Variants in ULK3 observed in about 807,000 individuals in gnomAD.
ULK3 encodes serine/threonine-protein kinase ULK3.
A neutral mutation model predicts 69.4 loss-of-function variants in ULK3; 54 were observed. The ratio of observed to expected loss-of-function variants is 0.78; its 90% CI spans 0.63 to 0.98. The LOEUF (loss-of-function observed/expected upper bound fraction) is 0.98, where lower values mean the gene tolerates loss of function less well. ULK3 is among the 50% of genes least tolerant of loss of function. The pLI, the probability that ULK3 is intolerant of heterozygous loss-of-function variation, is 0.00. For synonymous variants in ULK3, 240 were observed against 254.5 expected, an observed-to-expected ratio of 0.94 and a Z score of 0.54; for missense variants, 558 against 627.7, an observed-to-expected ratio of 0.89 and a Z score of 1.19.
chr15:74,837,880 A>T, intron 13 of ULK3, 82 bp from the exon 14 acceptor site: 3 of 1,396,882 alleles, frequency 2.1e-6, no homozygotes, highest in Non-Finnish European at 3.0e-6. Context: ...CTCACCCCTG[A>T]TGCTCTCCAG....
Position 74,837,374 on chromosome 15 carries a change from C to T in ULK3, c.1397G>A (p.Arg466His), listed in dbSNP as rs375161483. 6.2e-6 allele frequency: 10 copies of T among 1,612,932 alleles called. No homozygotes were observed. The highest frequency in any genetic ancestry group is 3.3e-4 in the Middle Eastern group (2 of 6,080). ...GACCCCAGGGCAGGACTCACAGCTACGAACAGATTCCGACAGTCCCTCTTT... is the reference window on the plus strand; with the variant it reads ...GACCCCAGGGCAGGACTCACAGCTATGAACAGATTCCGACAGTCCCTCTTT... ...LDKEGLSESV[R>H]SSCTLQ Residue 466 changes from arginine to histidine, a missense_variant, in exon 15 of 16, where the codon CGT (arginine) becomes CAT (histidine). Transcript: ENST00000440863.
chr15:74,837,195 A>G lies in ULK3; in HGVS notation c.*33T>C. ...CTGGGTTAGTGCCCCTCTGCTCCAGATGGCTCACATCTGTCCAATCATTCT... is the reference window on the plus strand; with the variant it reads ...CTGGGTTAGTGCCCCTCTGCTCCAGGTGGCTCACATCTGTCCAATCATTCT... On this transcript the variant is annotated 3_prime_UTR_variant, in exon 16 of 16. Transcript: ENST00000440863. 6.5e-7 allele frequency: 1 copy of G among 1,531,546 alleles called. No homozygotes were observed. The highest frequency in any genetic ancestry group is 2.3e-5 in the East Asian group (1 of 44,172). The allele number at this position is 1,531,546 out of a possible 1,614,324, so 94.9% of individuals were successfully genotyped here.
At chr15:74,839,453 GC>G (rs2064160583) in intron 7 of ULK3, 80 bp from the exon 8 acceptor site, 27 of 1,541,122 alleles carry the variant, frequency 1.8e-5, no homozygotes, top group Non-Finnish European at 2.4e-5. Context: ...GCTCCCCTGA[GC>G]CCGCCCTCTG....
chr15:74,838,891 C>A, intron 9 of ULK3, 119 bp downstream of exon 9: 1 of 1,452,760 alleles, frequency 6.9e-7, no homozygotes, highest in Non-Finnish European at 9.4e-7. Context: ...TGACCCATTC[C>A]CAGCTCTGTG....
In ULK3 at chr15:74,842,217, C is replaced by T. The variant is rs761182676; in HGVS notation, c.244-22G>A. Reference sequence around the variant, plus strand: ...CCCACTGTGTTTAGAGGCAGAGAGGCGGCCTGAAGAGAGTGTCCCTTCTCC... The same window carrying T: ...CCCACTGTGTTTAGAGGCAGAGAGGTGGCCTGAAGAGAGTGTCCCTTCTCC... On this transcript the variant is annotated intron_variant, in intron 2 of 15. Transcript: ENST00000440863. This position sits in a 1 kb window ranked among gnomAD's most constrained non-coding sequence, Gnocchi z 4.9. 2.1e-5 allele frequency: 34 copies of T among 1,613,840 alleles called. No homozygotes were observed. Among genetic ancestry groups the T allele is most frequent in the South Asian group, 6.6e-5 (6 of 91,088 alleles).
rs1440689355 is a variant in ULK3, at chr15:74,841,483, G to A, written c.391C>T (p.Arg131Trp). ...LASALQFLHE[R>W]NISHLDLKPQ... ...TTCAGATCCAGGTGAGAGATATTCC[G>A]TTCATGCAGGAATTGCAGGGCGCTA... Residue 131 changes from arginine to tryptophan, a missense_variant, in exon 4 of 16, where the codon CGG becomes TGG. Physicochemically the swap from Arg to Trp is moderately radical, Grantham distance 101 (BLOSUM62 -3). Transcript: ENST00000440863. 4.3e-6 allele frequency: 7 copies of A among 1,613,870 alleles called. No homozygotes were observed. Among genetic ancestry groups the A allele is most frequent in the African/African-American group, 1.3e-5 (1 of 75,032 alleles).
chr15:74,840,844 TGGGCACC>T, intron 4 of ULK3: 1 of 660,976 alleles, frequency 1.5e-6, no homozygotes. Flanking sequence ...CCAGCTCCCT[TGGGCACC>T]TTTTCCTAGG....
In ULK3 at chr15:74,840,657, G is replaced by C; in HGVS notation, c.470-16C>G. 1 of 1,541,338 alleles carries C rather than the reference G, an allele frequency of 6.5e-7. No individual in the cohort carries two copies. The highest frequency in any genetic ancestry group is 8.7e-7 in the Non-Finnish European group (1 of 1,146,956). On this transcript the variant is annotated splice_polypyrimidine_tract_variant and intron_variant, in intron 4 of 15. Transcript: ENST00000440863. ...AAACCAAAGTCTGCAGGCAAGAGGA[G>C]AGGCAGCAGGGCTTGAATTCCAGCT...
At chr15:74,838,874 G>T in intron 9 of ULK3, 129 bp from the exon 10 acceptor site, 1 of 1,403,212 alleles carries the variant, frequency 7.1e-7, no homozygotes, top group Non-Finnish European at 9.8e-7. Flanking sequence ...GGCAAATGTG[G>T]CTGGCCTGAC....
chr15:74,838,564 C>T, intron 10 of ULK3, 60 bp from the exon 11 acceptor site: 1 of 1,568,656 alleles, frequency 6.4e-7, no homozygotes, highest in Non-Finnish European at 8.6e-7. Flanking sequence ...CTGCAGGATG[C>T]CTCTCCCCAC....
Position 74,838,330 on chromosome 15 carries a change from G to A in ULK3, c.1182C>T (p.Gly394=), listed in dbSNP as rs750836393. The A allele has an allele frequency of 1.5e-5, 24 of 1,567,576 alleles. No individual in the cohort carries two copies. Among genetic ancestry groups the A allele is most frequent in the South Asian group, 4.7e-5 (4 of 85,358 alleles). ...ACAGGTCCAGGGCATCCTGCTCCCC[G>A]CCGGCGGCCTCCTCCTGCAGCCACA... ...SAAMAKEEAA[G]GEQDALDLYQ... is the part of the protein sequence containing the mutation. The change falls in exon 12 of 16, where the codon GGC becomes GGT. Residue 394 remains glycine (G), a synonymous_variant. Coordinates refer to ENST00000440863, the MANE Select transcript of ULK3 (RefSeq NM_001099436.4).
chr15:74,841,384 C>T (rs779059742), intron 4 of ULK3, 21 bp downstream of exon 4: 4 of 1,605,408 alleles, frequency 2.5e-6, no homozygotes, highest in Admixed American at 3.3e-5. Flanking sequence ...AAACCTCATC[C>T]CTGCTGTTTC....
In ULK3 at chr15:74,842,151, C is replaced by G; in HGVS notation, c.288G>C (p.Gly96=). The G allele has an allele frequency of 6.2e-7, 1 of 1,613,970 alleles. No individual in the cohort carries two copies. Among genetic ancestry groups the G allele is most frequent in the Non-Finnish European group, 8.5e-7 (1 of 1,179,888 alleles). ...TATGGATGAAGCGAGACAGGTCGCC[C>G]CCTGCGCAAAACTCCATGATGAGGT... The part of the protein sequence containing the change: ...NIYLIMEFCA[G]GDLSRFIHTR... The change falls in exon 3 of 16, where the codon GGG becomes GGC. Residue 96 remains glycine (G), a synonymous_variant. Coordinates refer to ENST00000440863, the MANE Select transcript of ULK3 (RefSeq NM_001099436.4). This position sits in a 1 kb window ranked among gnomAD's most constrained non-coding sequence, Gnocchi z 4.9.
chr15:74,842,969 C>T lies in ULK3; in HGVS notation c.102+35G>A, dbSNP rs1166925475. 6.5e-7 allele frequency: 1 copy of T among 1,539,218 alleles called. No homozygotes were observed. Reference sequence around the variant, plus strand: ...CCCCGGCCGGCACCAGCCGAGCTAGCTCGGGCGGGCACGGGGCCATCGGCC... The same window carrying T: ...CCCCGGCCGGCACCAGCCGAGCTAGTTCGGGCGGGCACGGGGCCATCGGCC... On this transcript the variant is annotated intron_variant, in intron 1 of 15. Coordinates refer to ENST00000440863, the MANE Select transcript of ULK3 (RefSeq NM_001099436.4). This position sits in a 1 kb window ranked among gnomAD's most constrained non-coding sequence, Gnocchi z 4.9.
intron 11 of ULK3, 27 bp from the exon 12 acceptor site, chr15:74,838,371 T>C (rs1439795530): frequency 6.4e-7 from 1 of 1,563,820 alleles, no homozygotes; most frequent in Admixed American, 1.9e-5. Flanking sequence ...ACCAGGCTGC[T>C]TAGGGTCATG....
intron 3 of ULK3, 122 bp downstream of exon 3, chr15:74,841,953 A>G: frequency 6.7e-7 from 1 of 1,500,018 alleles, no homozygotes; most frequent in Non-Finnish European, 9.0e-7. Context: ...GGACCATAAA[A>G]TTTCAGGCTG....
chr15:74,838,022 T>C (rs1202994792), intron 13 of ULK3, 130 bp downstream of exon 13: 3 of 1,417,416 alleles, frequency 2.1e-6, no homozygotes, highest in Non-Finnish European at 2.9e-6. Context: ...CCCAGCCCTA[T>C]GGTTTGACTT....
Position 74,842,916 on chromosome 15 carries a change from C to T in ULK3, c.102+88G>A. 6.9e-7 allele frequency: 1 copy of T among 1,439,820 alleles called. No homozygotes were observed. The highest frequency in any genetic ancestry group is 1.3e-5 in the South Asian group (1 of 75,968). The allele number at this position is 1,439,820 out of a possible 1,614,324, so 89.2% of individuals were successfully genotyped here. A position where few individuals can be genotyped will look rare whatever the true frequency, so the allele number is the denominator to read the frequency against. ...GCCGGCCTCCCGCCCCTAACTATTC[C>T]CACACTGTCGCTAACCTCTCAGAGT... On this transcript the variant is annotated intron_variant, in intron 1 of 15. Coordinates refer to ENST00000440863, the MANE Select transcript of ULK3 (RefSeq NM_001099436.4). This position sits in a 1 kb window ranked among gnomAD's most constrained non-coding sequence, Gnocchi z 4.9.
Position 74,842,786 on chromosome 15 carries a change from A to T in ULK3, c.102+218T>A. ...CCAGCCCACCAGGTAACCTGTTTTG[A>T]GCCTGTTCTTCAGCCACTGACCCTG... On this transcript the variant is annotated intron_variant, in intron 1 of 15. Transcript: ENST00000440863. The surrounding 1 kb of genome is among the most constrained non-coding windows in gnomAD (Gnocchi z 4.9). 1 of 1,471,484 alleles carries T rather than the reference A, an allele frequency of 6.8e-7. No individual in the cohort carries two copies. The highest frequency in any genetic ancestry group is 2.1e-4 in the Middle Eastern group (1 of 4,764). The allele number at this position is 1,471,484 out of a possible 1,614,324, so 91.2% of individuals were successfully genotyped here.
Sources: gnomAD v4.1 joint callset for allele counts on GRCh38, gnomAD v4.1.1 for gene constraint, Gnocchi (gnomAD v3.1) non-coding constraint, MANE v1.5 for transcripts, NCBI Gene and HGNC (gene_info 2026-07-23, HGNC 2026-07-21) for gene names.